The following SWT1 variants were observed in gnomAD, a reference collection of about 807,000 sequenced individuals.
SWT1 encodes SWT1 RNA endoribonuclease homolog.
In SWT1, 33 loss-of-function variants were observed where a neutral mutation model predicts 107.3. The ratio of observed to expected loss-of-function variants is 0.31; its 90% CI spans 0.23 to 0.41. The LOEUF (loss-of-function observed/expected upper bound fraction) is 0.41, where lower values mean the gene tolerates loss of function less well. Among genes scored for constraint, SWT1 ranks in the 10% least tolerant of loss-of-function variants. The pLI, the probability that SWT1 is intolerant of heterozygous loss-of-function variation, is 1.00. For synonymous variants in SWT1, 345 were observed against 348.3 expected (o/e 0.99, Z 0.11); for missense variants, 898 against 1,028.9 (o/e 0.87, Z 1.74).
intron 16 of SWT1, chr1:185,263,291 A>T (rs913051144): frequency 2.0e-5 from 3 of 152,214 alleles, no homozygotes; most frequent in African/African-American, 7.2e-5. Context: ...TAACAAAAAA[A>T]AAAGTGCTGG....
chr1:185,290,738 G>A lies in SWT1; in HGVS notation c.2638G>A (p.Ala880Thr), dbSNP rs759381252. Residue 880 changes from alanine (A) to threonine (T), a missense_variant, in exon 19 of 19, where the codon GCA becomes ACA. Coordinates refer to ENST00000367500, the MANE Select transcript of SWT1 (RefSeq NM_017673.7). Reference sequence around the variant, plus strand: ...GGAATATACCATGCAGCAGTGCAATGCATCTGTTTATATGGAGGCCAAAAA... The same window carrying A: ...GGAATATACCATGCAGCAGTGCAATACATCTGTTTATATGGAGGCCAAAAA... ...EMEYTMQQCN[A>T]SVYMEAKNRG... is the part of the protein sequence containing the mutation. The A allele has an allele frequency of 6.2e-7, 1 of 1,611,602 alleles. No individual in the cohort carries two copies.
chr1:185,206,571 A>T, intron 12 of SWT1, 54 bp from the exon 13 acceptor site: 1 of 1,111,672 alleles, frequency 9.0e-7, no homozygotes, highest in Non-Finnish European at 1.2e-6. Flanking sequence ...GGTACTTTTT[A>T]ATAATTGGAA....
intron 13 of SWT1, among the ~76,000 whole-genome samples, chr1:185,207,649 C>G (rs946226695): frequency 6.6e-6 from 1 of 152,124 alleles, no homozygotes; most frequent in African/African-American, 2.4e-5. Context: ...TGCCTGTAAT[C>G]TCAGCACTTT....
At position 185,290,731 on chromosome 1, in the gene SWT1, G is replaced by A. The variant is rs753519688; in HGVS notation, c.2631G>A (p.Gln877=). Residue 877 remains glutamine, a synonymous_variant, in exon 19 of 19, where the codon CAG becomes CAA. Coordinates refer to ENST00000367500, the MANE Select transcript of SWT1 (RefSeq NM_017673.7). ...QLVEMEYTMQ[Q]CNASVYMEAK... ...TTGAGATGGAATATACCATGCAGCA[G>A]TGCAATGCATCTGTTTATATGGAGG... 36 of 1,611,256 alleles carry A rather than the reference G, an allele frequency of 2.2e-5. No homozygotes were observed. Among genetic ancestry groups the A allele is most frequent in the Non-Finnish European group, 2.9e-5 (34 of 1,178,264 alleles).
intron 16 of SWT1, among the ~76,000 whole-genome samples, chr1:185,257,339 C>G (rs1247331277): frequency 6.6e-6 from 1 of 151,670 alleles, no homozygotes; most frequent in Non-Finnish European, 1.5e-5. Context: ...GCTTTGTTTA[C>G]CTAAGCAAGC....
rs931179582 is a variant in SWT1, at chr1:185,166,761, G to A, written c.165+109G>A. 6 of 694,646 alleles carry A rather than the reference G, an allele frequency of 8.6e-6. No individual in the cohort carries two copies. The African/African-American group carries it at 9.1e-5, about 10-fold the overall frequency. 43.0% of individuals were successfully genotyped at this position (694,646 alleles called of 1,614,324 possible). On this transcript the variant is annotated intron_variant, in intron 3 of 18. Transcript: ENST00000367500. ...CTTTTTGATAGCCAATAGAAAGTCA[G>A]TGTTGTTTTCTTTCTTCTACTCACC...
rs528814158 is a variant in SWT1, at chr1:185,257,365, C to T, written c.2442-13958C>T. 4.1e-3 allele frequency among the ~76,000 whole-genome samples: 625 copies of T among 152,234 alleles called. 1 individual carries two copies. Among genetic ancestry groups the T allele is most frequent in the Non-Finnish European group, 6.9e-3 (472 of 67,994 alleles). ...CTAAGCAAGCCTGGGCAATGGAGGG[C>T]GCCCCTCCCCCAGCCTCGCTGCCGC... On this transcript the variant is annotated intron_variant, in intron 16 of 18. Transcript: ENST00000367500.
At chr1:185,205,525 C>G (rs748828976) in intron 12 of SWT1, among the ~76,000 whole-genome samples, 5 of 152,132 alleles carry the variant, frequency 3.3e-5, no homozygotes, top group Non-Finnish European at 5.9e-5. Context: ...TGTGACATCA[C>G]GCCCAGCTAA....
At chr1:185,183,114 G>C (rs1354006594) in intron 7 of SWT1, among the ~76,000 whole-genome samples, 2 of 148,844 alleles carry the variant, frequency 1.3e-5, no homozygotes, top group Non-Finnish European at 3.0e-5. Flanking sequence ...TCCAGTCTGG[G>C]CAACAAGAGC....
At chr1:185,233,564 A>C (rs1030736421) in intron 16 of SWT1, among the ~76,000 whole-genome samples, 36 of 152,156 alleles carry the variant, frequency 2.4e-4, no homozygotes, top group Non-Finnish European at 1.3e-4. Context: ...TTATGTACCC[A>C]GTAGTCATTC....
intron 16 of SWT1, among the ~76,000 whole-genome samples, chr1:185,238,514 G>A (rs993463624): frequency 6.6e-6 from 1 of 152,164 alleles, no homozygotes; most frequent in Non-Finnish European, 1.5e-5. Flanking sequence ...TATTTGTGTA[G>A]AGCAAGGAAG....
intron 16 of SWT1, among the ~76,000 whole-genome samples, chr1:185,267,893 A>T (rs1220331081): frequency 1.3e-5 from 2 of 152,182 alleles, no homozygotes; most frequent in Admixed American, 1.3e-4. Context: ...GAGAAGGCTG[A>T]CCTCTCAAGA....
At chr1:185,204,234 C>T (rs377312487) in intron 11 of SWT1, among the ~76,000 whole-genome samples, 16 of 151,540 alleles carry the variant, frequency 1.1e-4, no homozygotes, top group East Asian at 1.9e-4. Context: ...GCCAAGATCG[C>T]GCCACTGCAT....
intron 9 of SWT1, among the ~76,000 whole-genome samples, chr1:185,188,818 G>C (rs1389529415): frequency 6.6e-6 from 1 of 152,050 alleles, no homozygotes; most frequent in Non-Finnish European, 1.5e-5. Context: ...TTATGATCTG[G>C]GTCCAGGCTT....
intron 9 of SWT1, among the ~76,000 whole-genome samples, chr1:185,186,082 A>T (rs1269086664): frequency 6.6e-6 from 1 of 152,190 alleles, no homozygotes; most frequent in East Asian, 1.9e-4. Context: ...AATAAATGAA[A>T]TGAGAGGAAA....
intron 16 of SWT1, among the ~76,000 whole-genome samples, chr1:185,245,057 G>C (rs1190495032): frequency 1.3e-5 from 2 of 152,008 alleles, no homozygotes; most frequent in Non-Finnish European, 2.9e-5. Flanking sequence ...ATTCCAGCTT[G>C]GGCAACAGAG....
intron 18 of SWT1, among the ~76,000 whole-genome samples, chr1:185,290,420 T>G (rs1222917901): frequency 1.3e-5 from 2 of 151,636 alleles, no homozygotes; most frequent in African/African-American, 4.8e-5. Context: ...CTAAAAAAAG[T>G]TTTTTTTTAA....
At chr1:185,251,287 T>C (rs1022619258) in intron 16 of SWT1, 2 of 152,658 alleles carry the variant, frequency 1.3e-5, no homozygotes, top group African/African-American at 4.8e-5. Context: ...CAATTCTAAA[T>C]GTGTCCATTA....
chr1:185,204,264 G>A (rs1001805252), intron 11 of SWT1, among the ~76,000 whole-genome samples: 2 of 151,504 alleles, frequency 1.3e-5, no homozygotes, highest in African/African-American at 4.9e-5. Flanking sequence ...GCAACAGAGC[G>A]AGACTCCGTC....
Sources: allele counts gnomAD v4.1 joint callset (sites outside exome capture counted in the v4.1 genomes callset), GRCh38; gene constraint gnomAD v4.1.1; transcripts MANE v1.5; gene names NCBI Gene and HGNC (gene_info 2026-07-23, HGNC 2026-07-21).